TTLL7: variants seen among roughly 807,000 people sequenced by gnomAD.
TTLL7 encodes tubulin polyglutamylase TTLL7.
In TTLL7, 53 loss-of-function variants were observed where a neutral mutation model predicts 120.2. The observed-to-expected ratio is 0.44, with a 90% CI of 0.35 to 0.55. The LOEUF is 0.55. Among genes scored for constraint, TTLL7 ranks in the 20% least tolerant of loss-of-function variants. TTLL7 has a pLI of 0.00. For missense variants in TTLL7, 803 were observed against 1,054.7 expected, an observed-to-expected ratio of 0.76 and a Z score of 3.31; for synonymous variants, 353 against 351.7, an observed-to-expected ratio of 1.00 and a Z score of -0.04.
chr1:83,929,569 C>T (rs1199025730), intron 9 of TTLL7, among the ~76,000 whole-genome samples: 1 of 152,000 alleles, frequency 6.6e-6, no homozygotes, highest in Non-Finnish European at 1.5e-5. Flanking sequence ...GTGATTTAGC[C>T]TAACAAAAAG....
At chr1:83,941,445 C>T (rs1300649850) in intron 7 of TTLL7, among the ~76,000 whole-genome samples, 1 of 152,156 alleles carries the variant, frequency 6.6e-6, no homozygotes, top group East Asian at 1.9e-4. Context: ...TTTCTTTTAA[C>T]TTCTTTTCCT....
At position 83,911,364 on chromosome 1, in the gene TTLL7, C is replaced by G; in HGVS notation, c.1588-1G>C. The stretch of plus-strand genomic sequence containing the variant: ...TACTCTCAGGCATAGAACACAGAGG[C>G]TAAAAAAGATGGAAATGTGTTATTT... On this transcript the variant is annotated splice_acceptor_variant, in intron 14 of 20. Coordinates refer to ENST00000260505, the MANE Select transcript of TTLL7 (RefSeq NM_024686.6). LOFTEE classifies it high-confidence loss of function. The G allele has an allele frequency of 6.3e-7, 1 of 1,597,098 alleles. No individual in the cohort carries two copies. The highest frequency in any genetic ancestry group is 2.2e-5 in the East Asian group (1 of 44,674).
chr1:83,933,740 T>C lies in TTLL7; in HGVS notation c.915A>G (p.Val305=). The C allele has an allele frequency of 6.2e-7, 1 of 1,612,038 alleles. No homozygotes were observed. The highest frequency in any genetic ancestry group is 8.5e-7 in the Non-Finnish European group (1 of 1,179,196). ...AGGCATGCAGGACATGAGGTTCTGC[T>C]ACAATCAGGGTCTTTACCACCAATT... ...ISELVVKTLI[V]AEPHVLHAYR... The change falls in exon 9 of 21, where the codon GTA becomes GTG. Residue 305 remains valine, a synonymous_variant. Transcript: ENST00000260505.
chr1:83,911,052 A>C, intron 15 of TTLL7, 113 bp downstream of exon 15: 1 of 805,218 alleles, frequency 1.2e-6, no homozygotes, highest in South Asian at 1.8e-5. Flanking sequence ...GATGGAATCC[A>C]GGTCTCCTCA....
intron 1 of TTLL7, among the ~76,000 whole-genome samples, chr1:83,955,957 T>C (rs1210740268): frequency 2.0e-5 from 3 of 152,172 alleles, no homozygotes; most frequent in Non-Finnish European, 2.9e-5. Flanking sequence ...GCTGTGTTCA[T>C]GCCACTGCAC....
Position 83,890,358 on chromosome 1 carries a change from G to A in TTLL7, c.2332C>T (p.Arg778Cys), listed in dbSNP as rs1484179079. 7 of 1,613,178 alleles carry A rather than the reference G, an allele frequency of 4.3e-6. No homozygotes were observed. Among genetic ancestry groups the A allele is most frequent in the Admixed American group, 3.3e-5 (2 of 59,924 alleles). The change falls in exon 19 of 21, where the codon CGT becomes TGT. Residue 778 changes from arginine (R) to cysteine (C), a missense_variant. Arg to Cys is a radical substitution (Grantham distance 180). Around this residue, in one of 3 missense-constraint regions of TTLL7, gnomAD observed 388 missense variants for 450.4 expected, o/e 0.86. Coordinates refer to ENST00000260505, the MANE Select transcript of TTLL7 (RefSeq NM_024686.6). ...AAACAGTTCCACAGCCCTTGGCCAC[G>A]ACTCCAGAGTAAGCGATTAAAAACC... ...NRVFNRLLWS[R>C]GQGLWNCFCD...
chr1:83,908,376 G>A (rs1030306908), intron 15 of TTLL7, among the ~76,000 whole-genome samples: 1 of 151,918 alleles, frequency 6.6e-6, no homozygotes, highest in African/African-American at 2.4e-5. Context: ...TTATCCTAAC[G>A]GAGTTTAAAT....
At chr1:83,923,749 AC>A (rs1382238636) in intron 10 of TTLL7, among the ~76,000 whole-genome samples, 3 of 152,184 alleles carry the variant, frequency 2.0e-5, no homozygotes, top group African/African-American at 7.2e-5. Context: ...CTCAGTACTT[AC>A]ACCACAGGCC....
At chr1:83,922,391 T>C (rs557286959) in intron 10 of TTLL7, among the ~76,000 whole-genome samples, 1 of 152,302 alleles carries the variant, frequency 6.6e-6, no homozygotes, top group South Asian at 2.1e-4. Flanking sequence ...GTTTACATAT[T>C]GCCTCATTTA....
chr1:83,894,519 T>C (rs1285460238), intron 18 of TTLL7, among the ~76,000 whole-genome samples: 2 of 152,130 alleles, frequency 1.3e-5, no homozygotes, highest in African/African-American at 2.4e-5. Context: ...TTAGAGGAGA[T>C]TCTTTTGACC....
At position 83,921,271 on chromosome 1, in the gene TTLL7, C is replaced by T; in HGVS notation, c.1266G>A (p.Gln422=). The T allele has an allele frequency of 3.1e-6, 5 of 1,612,968 alleles. No homozygotes were observed. Among genetic ancestry groups the T allele is most frequent in the Non-Finnish European group, 4.2e-6 (5 of 1,179,672 alleles). The stretch of plus-strand genomic sequence containing the variant: ...CCAACTCTTCTTTCCGCCTCTCCAA[C>T]TGGTGTCTCTGCTGTTCCCAGTCTG... ...GSSDWEQQRH[Q]LERRKEELKE... is the part of the protein sequence containing the mutation. The change falls in exon 11 of 21, where the codon CAG becomes CAA. Residue 422 remains glutamine (Q), a synonymous_variant. Transcript: ENST00000260505.
intron 18 of TTLL7, chr1:83,900,175 C>G: frequency 2.2e-6 from 1 of 448,146 alleles, no homozygotes; most frequent in South Asian, 1.6e-5. Flanking sequence ...TATTGCTGTT[C>G]AAATAAACAT....
rs550816755 is a variant in TTLL7 at position 83,918,727 on chromosome 1, T to C, written c.1500+972A>G. On this transcript the variant is annotated intron_variant, in intron 13 of 20. Transcript: ENST00000260505. ...CCAGATAAACTAAACAATCATATTT[T>C]CTAAAACATCAGAAAGCTTTACTTT... Among the ~76,000 whole-genome samples, 6 of 152,230 alleles carry C rather than the reference T, an allele frequency of 3.9e-5. No homozygotes were observed. The South Asian group carries it at 1.2e-3, about 32-fold the overall frequency.
chr1:83,933,042 A>T (rs986474592), intron 9 of TTLL7, among the ~76,000 whole-genome samples: 15 of 152,188 alleles, frequency 9.9e-5, no homozygotes, highest in Non-Finnish European at 2.1e-4. Context: ...AAATAATGGT[A>T]ACTCTCACCC....
intron 1 of TTLL7, among the ~76,000 whole-genome samples, chr1:83,997,214 A>G (rs1186876501): frequency 1.3e-5 from 2 of 152,182 alleles, no homozygotes; most frequent in Admixed American, 1.3e-4. Flanking sequence ...TACTAAGATG[A>G]CTCTGTTCCT....
At position 83,942,541 on chromosome 1, in the gene TTLL7, T is replaced by A. The variant is rs763392987; in HGVS notation, c.645A>T (p.Pro215=). Residue 215 remains proline (P), a synonymous_variant, in exon 7 of 21, where the codon CCA becomes CCT. Transcript: ENST00000260505. ...RIYILVTSCD[P]LKIFLYHDGL... ...CATCATGGTAGAGAAATATTTTTAG[T>A]GGATCACACGATGTAACCAGAATAT... 37 of 1,614,002 alleles carry A rather than the reference T, an allele frequency of 2.3e-5. No individual in the cohort carries two copies. Among genetic ancestry groups the A allele is most frequent in the South Asian group, 1.2e-4 (11 of 91,084 alleles).
chr1:83,895,958 C>G (rs563255146), intron 18 of TTLL7, among the ~76,000 whole-genome samples: 18 of 152,148 alleles, frequency 1.2e-4, no homozygotes, highest in East Asian at 1.9e-4. Flanking sequence ...GAAGGCTATA[C>G]AGATGGGGAG....
At chr1:83,900,597 A>G (rs1337205806) in intron 18 of TTLL7, among the ~76,000 whole-genome samples, 1 of 151,884 alleles carries the variant, frequency 6.6e-6, no homozygotes, top group Non-Finnish European at 1.5e-5. Flanking sequence ...CCTTATTCCT[A>G]CCTCAACACA....
intron 15 of TTLL7, among the ~76,000 whole-genome samples, chr1:83,908,575 T>G (rs1231707164): frequency 6.6e-6 from 1 of 152,168 alleles, no homozygotes; most frequent in East Asian, 1.9e-4. Flanking sequence ...CAATGCATAC[T>G]AAGAACACCT....
Sources: allele counts gnomAD v4.1 joint callset (sites outside exome capture counted in the v4.1 genomes callset), GRCh38; gene constraint gnomAD v4.1.1; regional missense constraint gnomAD v4.1.1; transcripts MANE v1.5; gene names NCBI Gene and HGNC (gene_info 2026-07-23, HGNC 2026-07-21).